PIK3C2G: variants seen among roughly 807,000 people sequenced by gnomAD.
PIK3C2G encodes the protein phosphatidylinositol 3-kinase C2 domain-containing subunit gamma.
A neutral mutation model predicts 181.1 loss-of-function variants in PIK3C2G; 168 were observed. That is an observed-to-expected ratio of 0.93 (90% confidence interval 0.82 to 1.05). The LOEUF is 1.05. Ranked by LOEUF, PIK3C2G falls within the 50% of genes least tolerant of loss-of-function variation. The pLI, the probability that PIK3C2G is intolerant of heterozygous loss-of-function variation, is 0.00. For missense variants in PIK3C2G, 1,869 were observed against 1,732.8 expected (o/e 1.08, Z -1.40); for synonymous variants, 573 against 592.2 (o/e 0.97, Z 0.47).
At chr12:18,601,239 A>T (rs1376923775) in intron 30 of PIK3C2G, among the ~76,000 whole-genome samples, 2 of 151,902 alleles carry the variant, frequency 1.3e-5, no homozygotes, top group African/African-American at 2.4e-5. Context: ...AAGGCATTTG[A>T]TAAAATTGAA....
chr12:18,388,265 T>G (rs1565665564), intron 14 of PIK3C2G, among the ~76,000 whole-genome samples: 1 of 152,008 alleles, frequency 6.6e-6, no homozygotes. Context: ...CGTATGTCTT[T>G]TCTTTTCTTT....
At chr12:18,620,719 C>T (rs923195594) in intron 31 of PIK3C2G, among the ~76,000 whole-genome samples, 2 of 151,952 alleles carry the variant, frequency 1.3e-5, no homozygotes, top group African/African-American at 4.8e-5. Flanking sequence ...GTTTTCTACA[C>T]CCAAAAGAAG....
chr12:18,430,791 A>G (rs1483342551), intron 18 of PIK3C2G, among the ~76,000 whole-genome samples: 2 of 152,174 alleles, frequency 1.3e-5, no homozygotes, highest in African/African-American at 4.8e-5. Flanking sequence ...GTTAGGGCCT[A>G]AGAACAAGTT....
the PIK3C2G span, among the ~76,000 whole-genome samples, chr12:18,690,468 G>C: frequency 1.3e-5 from 2 of 152,012 alleles, no homozygotes; most frequent in Non-Finnish European, 2.9e-5. Context: ...CAGGTAATCT[G>C]CCCACCTCAG....
intron 31 of PIK3C2G, among the ~76,000 whole-genome samples, chr12:18,630,883 A>T (rs1308404615): frequency 6.6e-6 from 1 of 152,066 alleles, no homozygotes; most frequent in Non-Finnish European, 1.5e-5. Context: ...GAAACTTCTC[A>T]TTGCTTATAT....
chr12:18,605,636 A>G (rs1174162978), intron 30 of PIK3C2G, among the ~76,000 whole-genome samples: 1 of 152,172 alleles, frequency 6.6e-6, no homozygotes, highest in Non-Finnish European at 1.5e-5. Flanking sequence ...AAAATTAAAA[A>G]TATTTTAACA....
At chr12:18,685,241 C>CT in the PIK3C2G span, among the ~76,000 whole-genome samples, 1 of 151,974 alleles carries the variant, frequency 6.6e-6, no homozygotes, top group Non-Finnish European at 1.5e-5. Context: ...ATTTCAATCT[C>CT]TAAGAAAATA....
intron 31 of PIK3C2G, among the ~76,000 whole-genome samples, chr12:18,638,597 C>G (rs1244702664): frequency 2.6e-5 from 4 of 152,146 alleles, no homozygotes; most frequent in African/African-American, 9.7e-5. Flanking sequence ...ATAAGGGTCT[C>G]CTTCAGGGCA....
intron 1 of PIK3C2G, among the ~76,000 whole-genome samples, chr12:18,278,989 C>A (rs1256417347): frequency 1.3e-5 from 2 of 151,960 alleles, no homozygotes; most frequent in East Asian, 3.9e-4. Context: ...AGGCTTCTAA[C>A]CCATTTCAAG....
chr12:18,571,901 A>T (rs889895267), intron 29 of PIK3C2G, among the ~76,000 whole-genome samples: 2 of 150,770 alleles, frequency 1.3e-5, no homozygotes, highest in African/African-American at 5.0e-5. Flanking sequence ...GTTATACTCA[A>T]GTCTATCACC....
chr12:18,261,279 C>T (rs945063869), upstream of PIK3C2G, among the ~76,000 whole-genome samples: 10 of 152,132 alleles, frequency 6.6e-5, no homozygotes, highest in African/African-American at 2.4e-4. Context: ...TATTGCTGAT[C>T]AGTATCTTTG....
In PIK3C2G at chr12:18,586,147, T is replaced by G. The variant is rs146620375; in HGVS notation, c.4012-8347T>G. On this transcript the variant is annotated intron_variant, in intron 29 of 32. Transcript: ENST00000538779. ...CATCACAACTAAAAGAACTAGGGTA[T>G]CAAGAGCAAACCAACCCCAAAGCTA... Among the ~76,000 whole-genome samples the G allele has an allele frequency of 5.5e-4, 84 of 152,012 alleles. 1 individual carries two copies. The East Asian group carries it at 0.015, about 26-fold the overall frequency.
At chr12:18,478,072 A>G (rs1856269454) in intron 18 of PIK3C2G, among the ~76,000 whole-genome samples, 1 of 152,204 alleles carries the variant, frequency 6.6e-6, no homozygotes, top group Non-Finnish European at 1.5e-5. Context: ...TATGAAAAAG[A>G]TGCTTACATT....
At chr12:18,707,901 T>A in the PIK3C2G span, among the ~76,000 whole-genome samples, 1 of 152,274 alleles carries the variant, frequency 6.6e-6, no homozygotes, top group Non-Finnish European at 1.5e-5. Flanking sequence ...ATACTTAAGG[T>A]ATACAACATG....
At chr12:18,575,032 G>T (rs1337644247) in intron 29 of PIK3C2G, among the ~76,000 whole-genome samples, 1 of 152,140 alleles carries the variant, frequency 6.6e-6, no homozygotes, top group Non-Finnish European at 1.5e-5. Context: ...TCCTAGTTCA[G>T]TAATATTGTG....
In PIK3C2G at chr12:18,637,713, G is replaced by C. The variant is rs1296009753; in HGVS notation, c.4183-2716G>C. Among the ~76,000 whole-genome samples the C allele has an allele frequency of 2.0e-5, 3 of 152,218 alleles. No homozygotes were observed. In the South Asian group the frequency reaches 6.2e-4, roughly 31 times the overall value. Reference sequence around the variant, plus strand: ...AAGAGTGATCACAGAGCTTTTCAAGGATGCTGGGCCTCCCCTCACAAATTT... The same window carrying C: ...AAGAGTGATCACAGAGCTTTTCAAGCATGCTGGGCCTCCCCTCACAAATTT... On this transcript the variant is annotated intron_variant, in intron 31 of 32. Coordinates refer to ENST00000538779, the MANE Select transcript of PIK3C2G (RefSeq NM_001288772.2).
chr12:18,368,076 C>T (rs778353856), intron 12 of PIK3C2G, among the ~76,000 whole-genome samples: 7 of 152,036 alleles, frequency 4.6e-5, no homozygotes, highest in Admixed American at 1.3e-4. Flanking sequence ...TGGGGGAAAC[C>T]GCTCCTGTGA....
At chr12:18,466,410 T>G (rs2135957787) in intron 18 of PIK3C2G, among the ~76,000 whole-genome samples, 1 of 151,992 alleles carries the variant, frequency 6.6e-6, no homozygotes, top group South Asian at 2.1e-4. Flanking sequence ...ATACTCTAAT[T>G]TCTGCTTTCA....
rs539703150 is a variant in PIK3C2G at position 18,274,696 on chromosome 12, T to A, written c.-78-7308T>A. Among the ~76,000 whole-genome samples the A allele has an allele frequency of 2.6e-5, 4 of 152,184 alleles. No homozygotes were observed. In the South Asian group the frequency reaches 8.3e-4, roughly 32 times the overall value. On this transcript the variant is annotated intron_variant, in intron 1 of 32. Transcript: ENST00000538779. ...GAGGGATAGCATTAGGAGATACACC[T>A]AATGCTAAATGATGAGTTAATGGGT...
Sources: allele counts gnomAD v4.1 joint callset (sites outside exome capture counted in the v4.1 genomes callset), GRCh38; gene constraint gnomAD v4.1.1; transcripts MANE v1.5; gene names NCBI Gene and HGNC (gene_info 2026-07-23, HGNC 2026-07-21).